The following ARHGAP45 variants were observed in gnomAD, a reference collection of about 807,000 sequenced individuals.
ARHGAP45 encodes the protein rho GTPase-activating protein 45.
In ARHGAP45, 56 loss-of-function variants were observed where a neutral mutation model predicts 116.1. The ratio of observed to expected loss-of-function variants is 0.48; its 90% CI spans 0.39 to 0.60. The LOEUF (loss-of-function observed/expected upper bound fraction) is 0.60, where lower values mean the gene tolerates loss of function less well. Ranked by LOEUF, ARHGAP45 falls within the 20% of genes least tolerant of loss-of-function variation. The pLI is 0.00. For missense variants in ARHGAP45, 1,622 were observed against 1,601.0 expected (o/e 1.01, Z -0.22); for synonymous variants, 866 against 701.7 (o/e 1.23, Z -3.70).
At chr19:1,073,899 G>A (rs1158892784) in intron 5 of ARHGAP45, 49 bp from the exon 6 acceptor site, 1 of 1,531,882 alleles carries the variant, frequency 6.5e-7, no homozygotes, top group Admixed American at 2.0e-5. Context: ...GGTGGGCACT[G>A]CCCAGGGCCC....
chr19:1,079,503 C>CAAA (rs35895776), intron 11 of ARHGAP45, among the ~76,000 whole-genome samples, 200 bp from the exon 12 acceptor site: 52 of 112,222 alleles, frequency 4.6e-4, no homozygotes, highest in African/African-American at 1.7e-3. Context: ...GACTCCATCT[C>CAAA]AAAAAAAAAA....
Position 1,082,506 on chromosome 19 carries a change from C to T in ARHGAP45, c.2518-334C>T, listed in dbSNP as rs985683331. The T allele has an allele frequency of 1.3e-5, 5 of 399,924 alleles. No homozygotes were observed. The East Asian group carries it at 2.3e-4, about 18-fold the overall frequency. The allele number at this position is 399,924 out of a possible 1,614,324, so 24.8% of individuals were successfully genotyped here. Reference sequence around the variant, plus strand: ...TGGTCATGTCTGGGGAAGGGCGGAGCTGGGCTGGGATGGGAGTGGGACCAG... The same window carrying T: ...TGGTCATGTCTGGGGAAGGGCGGAGTTGGGCTGGGATGGGAGTGGGACCAG... On this transcript the variant is annotated intron_variant, in intron 19 of 22. Coordinates refer to ENST00000313093, the MANE Select transcript of ARHGAP45 (RefSeq NM_012292.5).
At chr19:1,067,055 C>A (rs890359593), upstream of ARHGAP45, 5 of 533,872 alleles carry the variant, frequency 9.4e-6, no homozygotes, top group African/African-American at 2.0e-5. Flanking sequence ...CAGCGTCAGG[C>A]AGGGGCTCCC....
intron 7 of ARHGAP45, 44 bp from the exon 8 acceptor site, chr19:1,074,299 G>T: frequency 6.2e-7 from 1 of 1,612,116 alleles, no homozygotes; most frequent in Non-Finnish European, 8.5e-7. Context: ...GGGTGAGCTG[G>T]GAAGGCCTTG....
At chr19:1,082,348 C>G (rs2145081130) in intron 19 of ARHGAP45, among the ~76,000 whole-genome samples, 1 of 149,656 alleles carries the variant, frequency 6.7e-6, no homozygotes, top group Middle Eastern at 3.7e-3. Context: ...TTGGCAGGGA[C>G]CCGTATGAGG....
At chr19:1,078,103 T>G in intron 11 of ARHGAP45, 58 bp downstream of exon 11, 1 of 1,506,210 alleles carries the variant, frequency 6.6e-7, no homozygotes, top group Non-Finnish European at 8.9e-7. Context: ...CAATGCTTGG[T>G]GTGACATTTA....
chr19:1,078,048 G>A lies in ARHGAP45; in HGVS notation c.1374+3G>A, dbSNP rs186503235. ...TGGAGGAGGAGGCCAAGAACAAGGT[G>A]AGGGCGGGTGGAGGCAGGGCTGGAG... On this transcript the variant is annotated splice_donor_region_variant and intron_variant, in intron 11 of 22. Transcript: ENST00000313093. 1,060 of 1,549,210 alleles carry A rather than the reference G, an allele frequency of 6.8e-4. 7 individuals carry two copies. In the African/African-American group the frequency reaches 0.013, roughly 19 times the overall value.
Position 1,068,277 on chromosome 19 carries a change from C to T in ARHGAP45, c.91-137C>T. 1 of 695,588 alleles carries T rather than the reference C, an allele frequency of 1.4e-6. No individual in the cohort carries two copies. Among genetic ancestry groups the T allele is most frequent in the South Asian group, 2.0e-5 (1 of 50,688 alleles). 43.1% of individuals were successfully genotyped at this position (695,588 alleles called of 1,614,324 possible). A position where few individuals can be genotyped will look rare whatever the true frequency, so the allele number is the denominator to read the frequency against. On this transcript the variant is annotated intron_variant, in intron 1 of 22. Transcript: ENST00000313093. The surrounding 1 kb of genome is among the most constrained non-coding windows in gnomAD (Gnocchi z 7.5). ...GGGGGTACACTACCAAATCTCGGCCCTGTGACCTCTGGCCTTTGACCCCTG... is the reference window on the plus strand; with the variant it reads ...GGGGGTACACTACCAAATCTCGGCCTTGTGACCTCTGGCCTTTGACCCCTG...
chr19:1,084,393 C>G (rs373009232), intron 22 of ARHGAP45, 47 bp downstream of exon 22: 1 of 1,467,036 alleles, frequency 6.8e-7, no homozygotes, highest in African/African-American at 1.4e-5. Flanking sequence ...CTGGCGTGTG[C>G]CACCCATGGG....
chr19:1,068,233 G>A lies in ARHGAP45; in HGVS notation c.91-181G>A, dbSNP rs150368435. 1,898 of 584,324 alleles carry A rather than the reference G, an allele frequency of 3.2e-3. 24 individuals are homozygous for A. Among genetic ancestry groups the A allele is most frequent in the East Asian group, 0.02 (662 of 32,468 alleles). 36.2% of individuals were successfully genotyped at this position (584,324 alleles called of 1,614,324 possible). A position where few individuals can be genotyped will look rare whatever the true frequency, so the allele number is the denominator to read the frequency against. The stretch of plus-strand genomic sequence containing the variant: ...TGTTTGTGAAAGCTCTAGGGAAGAG[G>A]ATGTTGGGTAACAGGTGGGGGGGTA... On this transcript the variant is annotated intron_variant, in intron 1 of 22. Coordinates refer to ENST00000313093, the MANE Select transcript of ARHGAP45 (RefSeq NM_012292.5). The surrounding 1 kb of genome is among the most constrained non-coding windows in gnomAD (Gnocchi z 7.5).
chr19:1,081,952 C>T lies in ARHGAP45; in HGVS notation c.2508C>T (p.Tyr836=). 1 of 1,611,350 alleles carries T rather than the reference C, an allele frequency of 6.2e-7. No individual in the cohort carries two copies. Among genetic ancestry groups the T allele is most frequent in the East Asian group, 2.2e-5 (1 of 44,854 alleles). ...ACATCAGCAACGTCCTCAAGCTCTACCTGCGTCAGGTGAGACCCACCGGTG... is the reference window on the plus strand; with the variant it reads ...ACATCAGCAACGTCCTCAAGCTCTATCTGCGTCAGGTGAGACCCACCGGTG... ...PHDISNVLKL[Y]LRQLPEPLIS... Residue 836 remains tyrosine (Y), a synonymous_variant, in exon 19 of 23, where the codon TAC becomes TAT. Transcript: ENST00000313093.
In ARHGAP45 at chr19:1,085,867, ACGGCC is replaced by A; in HGVS notation, c.3279_3283del (p.Gln1095AlafsTer119). 6.2e-7 allele frequency: 1 copy of A among 1,612,862 alleles called. No homozygotes were observed. Among genetic ancestry groups the A allele is most frequent in the Non-Finnish European group, 8.5e-7 (1 of 1,179,914 alleles). On this transcript the variant is annotated frameshift_variant, in exon 23 of 23. Transcript: ENST00000313093. LOFTEE classifies it low-confidence loss of function (END_TRUNC). ...CGGGAGGACGGGGACGGGGACGAGG[ACGGCC>A]CGGCCCAGCAGCTCTCAGGATTCAA...
Position 1,067,222 on chromosome 19 carries a change from C to T in ARHGAP45, c.-184C>T, listed in dbSNP as rs549686945. 843 of 1,355,484 alleles carry T rather than the reference C, an allele frequency of 6.2e-4. 11 individuals are homozygous for T. In the African/African-American group the frequency reaches 0.012, roughly 19 times the overall value. The allele number at this position is 1,355,484 out of a possible 1,614,324, so 84.0% of individuals were successfully genotyped here. ...AGGGTCGGGGGCGAGGCCGCGTCGC[C>T]GCCTCCCCGAAGCCTTTTCCTGTTG... On this transcript the variant is annotated 5_prime_UTR_variant, in exon 1 of 23. Coordinates refer to ENST00000313093, the MANE Select transcript of ARHGAP45 (RefSeq NM_012292.5).
Position 1,086,178 on chromosome 19 carries a change from C to T in ARHGAP45, c.*172C>T, listed in dbSNP as rs1478246012. 4 of 617,224 alleles carry T rather than the reference C, an allele frequency of 6.5e-6. No homozygotes were observed. Among genetic ancestry groups the T allele is most frequent in the Admixed American group, 2.9e-5 (1 of 34,170 alleles). 38.2% of individuals were successfully genotyped at this position (617,224 alleles called of 1,614,324 possible). On this transcript the variant is annotated 3_prime_UTR_variant, in exon 23 of 23. Transcript: ENST00000313093. ...GCCTCCTCCCAGAGGCTTCCAGGAG[C>T]ACGAGGGCCTTGCGGCACAGGACTG...
At chr19:1,081,385 C>A (rs541937841) in intron 17 of ARHGAP45, 165 bp from the exon 18 acceptor site, 8 of 745,724 alleles carry the variant, frequency 1.1e-5, no homozygotes, top group African/African-American at 1.1e-4. Context: ...ACAGGGCAGG[C>A]GGGATCACCC....
Position 1,083,331 on chromosome 19 carries a change from C to T in ARHGAP45, c.2933C>T (p.Pro978Leu), listed in dbSNP as rs140579661. The change falls in exon 21 of 23, where the codon CCG becomes CTG. Residue 978 changes from proline (P) to leucine (L), a missense_variant. This residue lies in a region of ARHGAP45 where 1,334 missense variants were observed against 1,263.8 expected (regional missense o/e 1.06). Transcript: ENST00000313093. The stretch of plus-strand genomic sequence containing the variant: ...TACGGCCTGGTCTTCGAGGAGGAGC[C>T]GGAGGAGACCCCCGGGGGCCAGGTG... ...VHYGLVFEEE[P>L]EETPGGQDES... The T allele has an allele frequency of 8.8e-5, 137 of 1,555,578 alleles. 1 individual carries two copies. In the South Asian group the frequency reaches 9.9e-4, roughly 11 times the overall value.
intron 8 of ARHGAP45, 92 bp from the exon 9 acceptor site, chr19:1,074,522 G>A (rs909536007): frequency 2.9e-6 from 4 of 1,402,706 alleles, no homozygotes; most frequent in African/African-American, 1.4e-5. Context: ...TAACGGGGGT[G>A]GCTGCAGGGA....
At chr19:1,073,326 C>G (rs778011456) in intron 3 of ARHGAP45, 34 bp downstream of exon 3, 3 of 1,609,574 alleles carry the variant, frequency 1.9e-6, no homozygotes, top group Non-Finnish European at 2.5e-6. Context: ...CGAGGGCTCT[C>G]TGCCTAGAAG....
chr19:1,079,934 A>T lies in ARHGAP45; in HGVS notation c.1519A>T (p.Ile507Phe), dbSNP rs1439467921. The T allele has an allele frequency of 6.2e-7, 1 of 1,606,136 alleles. No homozygotes were observed. The highest frequency in any genetic ancestry group is 8.5e-7 in the Non-Finnish European group (1 of 1,174,444). ...QSDQTIKSAT[I>F]SYYQMMHMQT... ...TCTCCGGTGCCGCCCGCAGGCCACG[A>T]TCTCCTACTACCAGATGATGCATAT... is the stretch of plus-strand genomic sequence containing the variant. The change falls in exon 13 of 23, where the codon ATC (isoleucine) becomes TTC (phenylalanine). Residue 507 changes from isoleucine to phenylalanine, a missense_variant. Around this residue, in one of 3 missense-constraint regions of ARHGAP45, gnomAD observed 1,334 missense variants for 1,263.8 expected, o/e 1.06. Transcript: ENST00000313093.
Sources: gnomAD v4.1 joint callset for allele counts (sites outside exome capture counted in the v4.1 genomes callset) on GRCh38, gnomAD v4.1.1 for gene constraint, gnomAD v4.1.1 regional missense constraint, Gnocchi (gnomAD v3.1) non-coding constraint, MANE v1.5 for transcripts, NCBI Gene and HGNC (gene_info 2026-07-23, HGNC 2026-07-21) for gene names.